The following ANKRD36 variants were observed in gnomAD, a reference collection of about 807,000 sequenced individuals.
ANKRD36 encodes ankyrin repeat domain 36, also known as ankyrin repeat domain-containing protein 36A.
ANKRD36 carries 179 observed loss-of-function variants against 278.1 expected under a neutral mutation model. That is an observed-to-expected ratio of 0.64 (90% CI 0.57 to 0.73). The LOEUF (loss-of-function observed/expected upper bound fraction) is 0.73, where lower values mean the gene tolerates loss of function less well. Among genes scored for constraint, ANKRD36 ranks in the 30% least tolerant of loss-of-function variants. The pLI, the probability that ANKRD36 is intolerant of heterozygous loss-of-function variation, is 0.00. For synonymous variants in ANKRD36, 320 were observed against 641.1 expected (o/e 0.50, Z 7.57); for missense variants, 1,159 against 1,956.7 (o/e 0.59, Z 7.69).
intron 75 of ANKRD36, among the ~76,000 whole-genome samples, chr2:97,261,188 A>G (rs2076718222): frequency 8.0e-6 from 1 of 125,366 alleles, no homozygotes; most frequent in Non-Finnish European, 1.5e-5. Flanking sequence ...TAAGTTGCCT[A>G]GCTTTCAGCC....
intron 43 of ANKRD36, 34 bp from the exon 44 acceptor site, chr2:97,198,552 A>T: frequency 6.4e-7 from 1 of 1,553,546 alleles, no homozygotes; most frequent in Non-Finnish European, 8.7e-7. Flanking sequence ...AACATACTTT[A>T]TTAATTTATT....
chr2:97,205,699 G>C (rs1336125391), intron 50 of ANKRD36, among the ~76,000 whole-genome samples: 1 of 151,346 alleles, frequency 6.6e-6, no homozygotes, highest in Non-Finnish European at 1.5e-5. Flanking sequence ...TTTTATTTTA[G>C]TTTTCGACAT....
chr2:97,179,350 C>A (rs1222237054), intron 22 of ANKRD36, among the ~76,000 whole-genome samples: 1 of 151,574 alleles, frequency 6.6e-6, no homozygotes, highest in East Asian at 1.9e-4. Flanking sequence ...TGATATCTTG[C>A]ATGAAAGACA....
chr2:97,179,082 A>C (rs1201533729), intron 22 of ANKRD36, among the ~76,000 whole-genome samples: 2 of 151,572 alleles, frequency 1.3e-5, no homozygotes, highest in African/African-American at 4.8e-5. Flanking sequence ...CCTTGTTGCA[A>C]TGAGTGGATG....
intron 66 of ANKRD36, among the ~76,000 whole-genome samples, chr2:97,224,367 A>C (rs1161057709): frequency 3.9e-5 from 6 of 151,928 alleles, no homozygotes; most frequent in African/African-American, 9.6e-5. Context: ...TAAAGAAGTA[A>C]ATATTATACT....
At chr2:97,123,779 A>G (rs957533199) in intron 4 of ANKRD36, among the ~76,000 whole-genome samples, 6 of 146,912 alleles carry the variant, frequency 4.1e-5, no homozygotes, top group Non-Finnish European at 7.5e-5. Flanking sequence ...AATATATAAT[A>G]TATACAATAT....
intron 52 of ANKRD36, among the ~76,000 whole-genome samples, chr2:97,206,486 A>G (rs1346727887): frequency 2.6e-5 from 4 of 151,514 alleles, no homozygotes; most frequent in Non-Finnish European, 5.9e-5. Flanking sequence ...CAGATGTCAC[A>G]TCATACTGCT....
Position 97,189,598 on chromosome 2 carries a change from G to T in ANKRD36, c.2245+308G>T, listed in dbSNP as rs568199164. ...AGTTTTGCTTTAATTCTACAGCATG[G>T]TTTCACTAAGGGTGGAAGAAGAAAG... On this transcript the variant is annotated intron_variant, in intron 34 of 75. Coordinates refer to ENST00000420699, the MANE Select transcript of ANKRD36 (RefSeq NM_001354587.1). Among the ~76,000 whole-genome samples the T allele has an allele frequency of 2.3e-5, 2 of 88,254 alleles. 1 individual carries two copies. The highest frequency in any genetic ancestry group is 4.5e-4 in the East Asian group (2 of 4,486). 57.9% of individuals were successfully genotyped at this position (88,254 alleles called of 152,430 possible). A position where few individuals can be genotyped will look rare whatever the true frequency, so the allele number is the denominator to read the frequency against.
Position 97,128,549 on chromosome 2 carries a change from T to C in ANKRD36, c.799+1415T>C, listed in dbSNP as rs760766170. On this transcript the variant is annotated intron_variant, in intron 6 of 75. Coordinates refer to ENST00000420699, the MANE Select transcript of ANKRD36 (RefSeq NM_001354587.1). ...GTGTAATGTGGGCTATTGATGTGAT[T>C]GGTATGTCTGTTGTCCAAATATGGG... Among the ~76,000 whole-genome samples the C allele has an allele frequency of 9.4e-4, 143 of 152,086 alleles. 2 individuals carry two copies. Among genetic ancestry groups the C allele is most frequent in the Non-Finnish European group, 1.5e-3 (102 of 67,992 alleles).
chr2:97,213,774 G>C (rs1458017539), intron 60 of ANKRD36, among the ~76,000 whole-genome samples, 160 bp downstream of exon 60: 1 of 151,558 alleles, frequency 6.6e-6, no homozygotes, highest in East Asian at 2.0e-4. Flanking sequence ...CGCTGATGCT[G>C]CTGGTCTTGG....
rs537286425 is a variant in ANKRD36 at position 97,128,225 on chromosome 2, C to T, written c.799+1091C>T. On this transcript the variant is annotated intron_variant, in intron 6 of 75. Coordinates refer to ENST00000420699, the MANE Select transcript of ANKRD36 (RefSeq NM_001354587.1). ...TATTATAATTATTAGGCAAAGTCAT[C>T]GATCTCAATGAGCTGTCCATGATGC... is the stretch of plus-strand genomic sequence containing the variant. Among the ~76,000 whole-genome samples the T allele has an allele frequency of 3.3e-4, 50 of 151,284 alleles. 1 individual carries two copies. The highest frequency in any genetic ancestry group is 1.2e-3 in the African/African-American group (49 of 41,380).
intron 38 of ANKRD36, among the ~76,000 whole-genome samples, chr2:97,194,140 A>G (rs962263354): frequency 1.3e-5 from 2 of 151,618 alleles, no homozygotes; most frequent in African/African-American, 4.8e-5. Flanking sequence ...ATTACACTAC[A>G]TGGGTGTGAG....
chr2:97,180,193 A>C (rs1021283052), intron 24 of ANKRD36, among the ~76,000 whole-genome samples: 6 of 151,600 alleles, frequency 4.0e-5, no homozygotes, highest in Non-Finnish European at 8.8e-5. Flanking sequence ...ATACCAGGCT[A>C]AGGGAGCAGC....
At chr2:97,155,092 G>T (rs2047135113) in intron 15 of ANKRD36, among the ~76,000 whole-genome samples, 1 of 138,096 alleles carries the variant, frequency 7.2e-6, no homozygotes, top group Non-Finnish European at 1.7e-5. Flanking sequence ...AATCTGAGTT[G>T]TATATCATAT....
chr2:97,181,287 TGA>T lies in ANKRD36; in HGVS notation c.1736-309_1736-308del, dbSNP rs2056130044. ...GCTTTGACATTGATTCTCAGGTGTG[TGA>T]GTTACTCCTCTGATTTGTCCTCATC... is the stretch of plus-strand genomic sequence containing the variant. On this transcript the variant is annotated intron_variant, in intron 24 of 75. Coordinates refer to ENST00000420699, the MANE Select transcript of ANKRD36 (RefSeq NM_001354587.1). Among the ~76,000 whole-genome samples the T allele has an allele frequency of 2.6e-5, 4 of 151,654 alleles. No homozygotes were observed. The South Asian group carries it at 8.4e-4, about 32-fold the overall frequency.
At position 97,200,371 on chromosome 2, in the gene ANKRD36, ACT is replaced by A. The variant is rs777976134; in HGVS notation, c.2784+13_2784+14del. 2 of 1,605,320 alleles carry A rather than the reference ACT, an allele frequency of 1.2e-6. No individual in the cohort carries two copies. The highest frequency in any genetic ancestry group is 1.7e-6 in the Non-Finnish European group (2 of 1,178,672). The stretch of plus-strand genomic sequence containing the variant: ...AAAAACCATCCTTGGAGGTAATGAA[ACT>A]CTCATTCATATTGTGAGCTAGTAAA... On this transcript the variant is annotated intron_variant, in intron 45 of 75. Transcript: ENST00000420699.
intron 24 of ANKRD36, 75 bp downstream of exon 24, chr2:97,180,008 T>C: frequency 6.3e-7 from 1 of 1,589,464 alleles, no homozygotes; most frequent in African/African-American, 1.3e-5. Flanking sequence ...AATAAATCAG[T>C]GGGGAGTCCA....
intron 36 of ANKRD36, 78 bp from the exon 37 acceptor site, chr2:97,192,780 A>G (rs2058808495): frequency 2.0e-6 from 3 of 1,516,872 alleles, no homozygotes; most frequent in Non-Finnish European, 2.7e-6. Context: ...ACAGAGGTTG[A>G]TACAAACACT....
chr2:97,230,718 CT>C (rs2071675660), intron 67 of ANKRD36, among the ~76,000 whole-genome samples: 1 of 152,084 alleles, frequency 6.6e-6, no homozygotes, highest in Non-Finnish European at 1.5e-5. Context: ...AGGCGCTCTG[CT>C]TTTTAGAGTT....
Sources: gnomAD v4.1 joint callset for allele counts (sites outside exome capture counted in the v4.1 genomes callset) on GRCh38, gnomAD v4.1.1 for gene constraint, MANE v1.5 for transcripts, NCBI Gene and HGNC (gene_info 2026-07-23, HGNC 2026-07-21) for gene names.